The following RAB21 variants were observed in gnomAD, a reference collection of about 807,000 sequenced individuals.
RAB21 encodes RAB21, member RAS oncogene family, also known as ras-related protein Rab-21.
In RAB21, 13 loss-of-function variants were observed where a neutral mutation model predicts 33.1. The observed-to-expected ratio is 0.39, with a 90% CI of 0.26 to 0.62. The LOEUF is 0.62. RAB21 is among the 20% of genes least tolerant of loss of function. The pLI is 0.48. For missense variants in RAB21, 234 were observed against 279.1 expected (o/e 0.84, Z 1.15); for synonymous variants, 91 against 103.7 (o/e 0.88, Z 0.74).
intron 6 of RAB21, among the ~76,000 whole-genome samples, chr12:71,784,880 C>G (rs879919573): frequency 1.3e-5 from 2 of 151,942 alleles, no homozygotes; most frequent in Non-Finnish European, 2.9e-5. Flanking sequence ...TCACTTGAGC[C>G]CAGGAGTTTG....
rs879211447 is a variant in RAB21 at position 71,785,995 on chromosome 12, A to G, written c.*322A>G. 88 of 180,144 alleles carry G rather than the reference A, an allele frequency of 4.9e-4. No homozygotes were observed. The highest frequency in any genetic ancestry group is 1.9e-3 in the African/African-American group (76 of 39,806). The allele number at this position is 180,144 out of a possible 1,614,324, so 11.2% of individuals were successfully genotyped here. On this transcript the variant is annotated 3_prime_UTR_variant, in exon 7 of 7. Coordinates refer to ENST00000261263, the MANE Select transcript of RAB21 (RefSeq NM_014999.4). ...CGGCTCACTGCAAGCTCCACCTCCC[A>G]GGTTCACGCCATTCTCCTGCCTCAG...
chr12:71,760,173 G>A (rs1254824055), intron 1 of RAB21, among the ~76,000 whole-genome samples: 1 of 152,140 alleles, frequency 6.6e-6, no homozygotes, highest in Non-Finnish European at 1.5e-5. Context: ...TTGCTTATAG[G>A]TTAAATATTT....
rs374509125 is a variant in RAB21 at position 71,782,145 on chromosome 12, C to T, written c.446+60C>T. 3.8e-4 allele frequency: 549 copies of T among 1,463,038 alleles called. 6 individuals carry two copies. Among genetic ancestry groups the T allele is most frequent in the East Asian group, 6.8e-4 (30 of 44,050 alleles). The allele number at this position is 1,463,038 out of a possible 1,614,324, so 90.6% of individuals were successfully genotyped here. ...CCTAGTAGAAATCTTCCTCTTTATA[C>T]GTTTTGCTTTACCATTTAGGTATTA... is the stretch of plus-strand genomic sequence containing the variant. On this transcript the variant is annotated intron_variant, in intron 5 of 6. Coordinates refer to ENST00000261263, the MANE Select transcript of RAB21 (RefSeq NM_014999.4).
intron 3 of RAB21, among the ~76,000 whole-genome samples, chr12:71,772,342 T>C (rs1883055708): frequency 6.6e-6 from 1 of 152,226 alleles, no homozygotes; most frequent in African/African-American, 2.4e-5. Flanking sequence ...CTACCAGGCC[T>C]TCTTAAGACT....
intron 1 of RAB21, among the ~76,000 whole-genome samples, chr12:71,763,159 A>G (rs748366620): frequency 6.0e-5 from 9 of 150,440 alleles, no homozygotes; most frequent in Non-Finnish European, 1.3e-4. Context: ...ACACTCCCCA[A>G]CGGCAGGCCC....
intron 1 of RAB21, among the ~76,000 whole-genome samples, chr12:71,769,260 C>T (rs1477392267): frequency 6.6e-6 from 1 of 152,154 alleles, no homozygotes; most frequent in African/African-American, 2.4e-5. Flanking sequence ...CACATGGAAT[C>T]GTAATTCTCT....
In RAB21 at chr12:71,775,919, G is replaced by A. The variant is rs1592647894; in HGVS notation, c.391+1897G>A. ...CTTTATAGTACCAGATCAGGGGCAA[G>A]TCTTGGGGGAAAAAAGCGAGATGAT... On this transcript the variant is annotated intron_variant, in intron 4 of 6. Coordinates refer to ENST00000261263, the MANE Select transcript of RAB21 (RefSeq NM_014999.4). Among the ~76,000 whole-genome samples the A allele has an allele frequency of 2.6e-5, 4 of 152,232 alleles. No homozygotes were observed. In the East Asian group the frequency reaches 7.7e-4, roughly 29 times the overall value.
rs1178771279 is a variant in RAB21 at position 71,782,194 on chromosome 12, A to C, written c.446+109A>C. 10 of 1,054,606 alleles carry C rather than the reference A, an allele frequency of 9.5e-6. No homozygotes were observed. In the Admixed American group the frequency reaches 2.0e-4, roughly 21 times the overall value. 65.3% of individuals were successfully genotyped at this position (1,054,606 alleles called of 1,614,324 possible). A position where few individuals can be genotyped will look rare whatever the true frequency, so the allele number is the denominator to read the frequency against. Reference sequence around the variant, plus strand: ...TACTCAAATCTCTTAGCATGGATTGAGGTGTTGGATTCAGTGAAGCATGTT... The same window carrying C: ...TACTCAAATCTCTTAGCATGGATTGCGGTGTTGGATTCAGTGAAGCATGTT... On this transcript the variant is annotated intron_variant, in intron 5 of 6. Transcript: ENST00000261263.
chr12:71,757,919 T>C (rs1387381043), intron 1 of RAB21, among the ~76,000 whole-genome samples: 1 of 152,210 alleles, frequency 6.6e-6, no homozygotes, highest in Non-Finnish European at 1.5e-5. Context: ...TTCTAATGTT[T>C]AGTCAAGTGA....
intron 4 of RAB21, among the ~76,000 whole-genome samples, chr12:71,776,449 A>T (rs921364822): frequency 6.6e-6 from 1 of 152,164 alleles, no homozygotes; most frequent in Non-Finnish European, 1.5e-5. Context: ...TTCTTTAAAA[A>T]TGTTTATATA....
chr12:71,781,485 A>C (rs1234116235), intron 4 of RAB21, among the ~76,000 whole-genome samples: 1 of 151,758 alleles, frequency 6.6e-6, no homozygotes, highest in African/African-American at 2.4e-5. Flanking sequence ...AAAAAAAGAG[A>C]ATACAGTTTT....
In RAB21 at chr12:71,786,513, A is replaced by G. The variant is rs888335142; in HGVS notation, c.*840A>G. On this transcript the variant is annotated 3_prime_UTR_variant, in exon 7 of 7. Coordinates refer to ENST00000261263, the MANE Select transcript of RAB21 (RefSeq NM_014999.4). ...TCTACTACTTTGATATAATCTGTAT[A>G]CATCCTGTATGCTGAGCTGGTAAAA... 6.6e-6 allele frequency: 1 copy of G among 152,614 alleles called. No homozygotes were observed. The highest frequency in any genetic ancestry group is 6.6e-5 in the Admixed American group (1 of 15,264). 9.5% of individuals were successfully genotyped at this position (152,614 alleles called of 1,614,324 possible). A position where few individuals can be genotyped will look rare whatever the true frequency, so the allele number is the denominator to read the frequency against.
rs776612563 is a variant in RAB21, at chr12:71,793,199, A to G, written c.*7526A>G. On this transcript the variant is annotated 3_prime_UTR_variant, in exon 7 of 7. Coordinates refer to ENST00000261263, the MANE Select transcript of RAB21 (RefSeq NM_014999.4). ...TTTTTTTTAACCTAGAAAAAATACAATTTAAAAAGCAATCATGTTGTTTTC... is the reference window on the plus strand; with the variant it reads ...TTTTTTTTAACCTAGAAAAAATACAGTTTAAAAAGCAATCATGTTGTTTTC... The G allele has an allele frequency of 6.6e-6, 1 of 152,168 alleles. No individual in the cohort carries two copies. Among genetic ancestry groups the G allele is most frequent in the African/African-American group, 2.4e-5 (1 of 41,450 alleles). The allele number at this position is 152,168 out of a possible 1,614,324, so 9.4% of individuals were successfully genotyped here. A position where few individuals can be genotyped will look rare whatever the true frequency, so the allele number is the denominator to read the frequency against.
chr12:71,783,706 A>G (rs548795146), intron 6 of RAB21, among the ~76,000 whole-genome samples: 1 of 152,180 alleles, frequency 6.6e-6, no homozygotes, highest in South Asian at 2.1e-4. Flanking sequence ...ACTAAAATAT[A>G]AGAGCCAATG....
At chr12:71,783,803 ACC>A (rs1386620230) in intron 6 of RAB21, among the ~76,000 whole-genome samples, 5 of 152,072 alleles carry the variant, frequency 3.3e-5, no homozygotes, top group African/African-American at 1.2e-4. Context: ...TTCTACAAGC[ACC>A]CAAGTGGTGG....
chr12:71,778,868 C>T (rs1050695026), intron 4 of RAB21, among the ~76,000 whole-genome samples: 9 of 152,118 alleles, frequency 5.9e-5, no homozygotes, highest in African/African-American at 1.7e-4. Flanking sequence ...ACCTGCAAGG[C>T]GTGGTGGCTC....
At chr12:71,778,806 G>C (rs185035116) in intron 4 of RAB21, among the ~76,000 whole-genome samples, 2 of 152,250 alleles carry the variant, frequency 1.3e-5, no homozygotes, top group African/African-American at 4.8e-5. Flanking sequence ...ACCAAGTGTT[G>C]GATAAACTAA....
chr12:71,777,398 A>T (rs2137653326), intron 4 of RAB21, among the ~76,000 whole-genome samples: 1 of 152,256 alleles, frequency 6.6e-6, no homozygotes, highest in South Asian at 2.1e-4. Flanking sequence ...ATTGCTGTCT[A>T]ATACTTTAAT....
At position 71,800,281 on chromosome 12, in the gene RAB21, CAT is replaced by C. The variant is rs1179537098; in HGVS notation, c.*14609_*14610del. On this transcript the variant is annotated 3_prime_UTR_variant, in exon 7 of 7. Coordinates refer to ENST00000261263, the MANE Select transcript of RAB21 (RefSeq NM_014999.4). ...ATTTTATATAAATAAAATCATATAA[CAT>C]GTATACTTTTGAGTCTGGCTTCTTT... 1 of 152,014 alleles carries C rather than the reference CAT, an allele frequency of 6.6e-6. No individual in the cohort carries two copies. Among genetic ancestry groups the C allele is most frequent in the South Asian group, 2.1e-4 (1 of 4,832 alleles). 9.4% of individuals were successfully genotyped at this position (152,014 alleles called of 1,614,324 possible). A position where few individuals can be genotyped will look rare whatever the true frequency, so the allele number is the denominator to read the frequency against.
Sources: gnomAD v4.1 joint callset for allele counts (sites outside exome capture counted in the v4.1 genomes callset) on GRCh38, gnomAD v4.1.1 for gene constraint, MANE v1.5 for transcripts, NCBI Gene and HGNC (gene_info 2026-07-23, HGNC 2026-07-21) for gene names.